SETBP1: variants seen among roughly 807,000 people sequenced by gnomAD.
SETBP1 encodes the protein SET binding protein 1.
SETBP1 carries 9 observed loss-of-function variants against 101.0 expected under a neutral mutation model. The observed-to-expected ratio is 0.09, with a 90% CI of 0.05 to 0.16. SETBP1 has a LOEUF of 0.16. SETBP1 is among the 10% of genes least tolerant of loss of function. SETBP1 has a pLI of 1.00. For missense variants in SETBP1, 1,858 were observed against 2,033.8 expected, an observed-to-expected ratio of 0.91 and a Z score of 1.66; for synonymous variants, 818 against 788.5, an observed-to-expected ratio of 1.04 and a Z score of -0.63.
intron 1 of SETBP1, among the ~76,000 whole-genome samples, chr18:44,689,119 CAA>C (rs2068886159): frequency 6.6e-6 from 1 of 152,162 alleles, no homozygotes; most frequent in African/African-American, 2.4e-5. Flanking sequence ...GGGAAGATTT[CAA>C]AGAGTATGTG....
At chr18:44,680,318 T>C (rs1194259662), upstream of SETBP1, 1 of 150,642 alleles carries the variant, frequency 6.6e-6, no homozygotes, top group Non-Finnish European at 1.5e-5. Flanking sequence ...GCAGCACCTT[T>C]GGGGGCTCGG....
intron 2 of SETBP1, among the ~76,000 whole-genome samples, chr18:44,828,694 T>C (rs1341468905): frequency 6.6e-6 from 1 of 152,192 alleles, no homozygotes; most frequent in Admixed American, 6.5e-5. Context: ...TCCACCCAAA[T>C]GTAGACAATG....
At chr18:44,813,624 T>C (rs1246139559) in intron 2 of SETBP1, among the ~76,000 whole-genome samples, 1 of 152,172 alleles carries the variant, frequency 6.6e-6, no homozygotes, top group Non-Finnish European at 1.5e-5. Flanking sequence ...GATTTTGCCA[T>C]CATTAAAAAG....
intron 4 of SETBP1, among the ~76,000 whole-genome samples, chr18:45,038,084 C>A (rs2073433902): frequency 6.6e-6 from 1 of 152,168 alleles, no homozygotes; most frequent in Admixed American, 6.5e-5. Context: ...CTTTCCCCAG[C>A]TGGATGAGAT....
chr18:44,730,040 G>C (rs889585531), intron 2 of SETBP1, among the ~76,000 whole-genome samples: 1 of 152,182 alleles, frequency 6.6e-6, no homozygotes, highest in Non-Finnish European at 1.5e-5. Context: ...ATCTGTGTGA[G>C]TCAACTTCTT....
At chr18:44,827,105 G>A (rs2072255500) in intron 2 of SETBP1, among the ~76,000 whole-genome samples, 1 of 152,172 alleles carries the variant, frequency 6.6e-6, no homozygotes, top group South Asian at 2.1e-4. Context: ...GCTCACTAGT[G>A]GTGATGACAT....
intron 3 of SETBP1, among the ~76,000 whole-genome samples, chr18:44,927,732 G>C (rs1029213754): frequency 9.2e-5 from 14 of 152,160 alleles, no homozygotes; most frequent in African/African-American, 1.9e-4. Flanking sequence ...CCCAGACCTG[G>C]CATCACCGAT....
At chr18:44,907,417 G>A (rs2070200280) in intron 3 of SETBP1, among the ~76,000 whole-genome samples, 1 of 152,050 alleles carries the variant, frequency 6.6e-6, no homozygotes, top group Non-Finnish European at 1.5e-5. Flanking sequence ...TTAACTTTTT[G>A]AAAAAATTTC....
chr18:44,787,105 C>T (rs1301628055), intron 2 of SETBP1, among the ~76,000 whole-genome samples: 2 of 152,118 alleles, frequency 1.3e-5, no homozygotes, highest in Non-Finnish European at 2.9e-5. Flanking sequence ...GACAATAGTG[C>T]TTTCAAAGGT....
chr18:44,763,642 C>A (rs886193676), intron 2 of SETBP1, among the ~76,000 whole-genome samples: 1 of 152,230 alleles, frequency 6.6e-6, no homozygotes, highest in Non-Finnish European at 1.5e-5. Context: ...CTCCGGTACT[C>A]TTCTAATTAT....
intron 2 of SETBP1, among the ~76,000 whole-genome samples, chr18:44,755,888 T>C (rs573723667): frequency 2.6e-5 from 4 of 152,188 alleles, no homozygotes; most frequent in Non-Finnish European, 4.4e-5. Flanking sequence ...TCTGTGTACG[T>C]GTTAATAAAA....
At chr18:44,975,148 C>T (rs550657290) in intron 4 of SETBP1, among the ~76,000 whole-genome samples, 4 of 152,280 alleles carry the variant, frequency 2.6e-5, no homozygotes, top group South Asian at 2.1e-4. Flanking sequence ...TTTTAATGTT[C>T]GCACTTCTCT....
chr18:44,716,042 G>GA (rs1367177665), intron 2 of SETBP1, among the ~76,000 whole-genome samples: 2 of 152,100 alleles, frequency 1.3e-5, no homozygotes, highest in East Asian at 3.9e-4. Context: ...TGGAGCCCAG[G>GA]AAAAAACCAT....
intron 2 of SETBP1, among the ~76,000 whole-genome samples, chr18:44,715,107 G>A (rs533109429): frequency 2.0e-5 from 3 of 152,262 alleles, no homozygotes; most frequent in South Asian, 2.1e-4. Flanking sequence ...AGCTATCTTC[G>A]AAACATTCCA....
chr18:44,977,775 T>A (rs769483762), intron 4 of SETBP1, among the ~76,000 whole-genome samples: 3 of 152,142 alleles, frequency 2.0e-5, no homozygotes, highest in Non-Finnish European at 4.4e-5. Context: ...CTGCCCAGAG[T>A]CTGACCCACC....
intron 2 of SETBP1, among the ~76,000 whole-genome samples, chr18:44,729,563 C>T (rs1403561817): frequency 1.3e-5 from 2 of 152,180 alleles, no homozygotes; most frequent in Non-Finnish European, 2.9e-5. Context: ...AAAGAGGATG[C>T]TGCAGCAAGT....
intron 2 of SETBP1, among the ~76,000 whole-genome samples, chr18:44,709,317 C>G (rs1319226545): frequency 6.6e-6 from 1 of 152,116 alleles, no homozygotes; most frequent in African/African-American, 2.4e-5. Flanking sequence ...TGAAGCATGG[C>G]TGGTGTGCTC....
intron 5 of SETBP1, among the ~76,000 whole-genome samples, chr18:45,055,559 GT>G (rs962972579): frequency 1.3e-4 from 19 of 150,798 alleles, no homozygotes; most frequent in Non-Finnish European, 2.5e-4. Flanking sequence ...GAAAATCTTG[GT>G]TTTTTTTTAA....
At chr18:44,785,894 C>G (rs896445709) in intron 2 of SETBP1, among the ~76,000 whole-genome samples, 1 of 152,150 alleles carries the variant, frequency 6.6e-6, no homozygotes, top group Admixed American at 6.5e-5. Flanking sequence ...TTTATTAACC[C>G]CCCCACCATA....
Sources: gnomAD v4.1 joint callset for allele counts (sites outside exome capture counted in the v4.1 genomes callset) on GRCh38, gnomAD v4.1.1 for gene constraint, MANE v1.5 for transcripts, NCBI Gene and HGNC (gene_info 2026-07-23, HGNC 2026-07-21) for gene names.